Variants in MYO9A observed in about 807,000 individuals in gnomAD.
MYO9A encodes the protein unconventional myosin-IXa.
In MYO9A, 103 loss-of-function variants were observed where a neutral mutation model predicts 293.3. The ratio of observed to expected loss-of-function variants is 0.35; its 90% CI spans 0.30 to 0.41. MYO9A has a LOEUF of 0.41. Ranked by LOEUF, MYO9A falls within the 10% of genes least tolerant of loss-of-function variation. The pLI, the probability that MYO9A is intolerant of heterozygous loss-of-function variation, is 1.00. For missense variants in MYO9A, 2,685 were observed against 3,033.0 expected (o/e 0.89, Z 2.69); for synonymous variants, 1,001 against 1,035.7 (o/e 0.97, Z 0.64).
At chr15:72,032,436 T>A (rs2077903102) in intron 3 of MYO9A, 58 bp downstream of exon 3, 1 of 1,132,022 alleles carries the variant, frequency 8.8e-7, no homozygotes, top group Admixed American at 2.5e-5. Flanking sequence ...TATAAAAGGG[T>A]AAAGACAAAA....
chr15:71,832,287 T>A (rs1247080545), intron 39 of MYO9A, among the ~76,000 whole-genome samples: 3 of 151,980 alleles, frequency 2.0e-5, no homozygotes, highest in Non-Finnish European at 4.4e-5. Flanking sequence ...TCCTATAGAA[T>A]AAATATTGAA....
intron 33 of MYO9A, 84 bp downstream of exon 33, chr15:71,862,398 GTAGTGTAAATAACTCCTT>G (rs999219127): frequency 6.0e-6 from 5 of 829,376 alleles, no homozygotes; most frequent in African/African-American, 5.2e-5. Context: ...AAAAATTTAG[GTAGTGTAAATAACTCCTT>G]TATGTTAAAG....
intron 8 of MYO9A, among the ~76,000 whole-genome samples, chr15:72,007,393 G>GA (rs894979341): frequency 2.7e-5 from 4 of 150,340 alleles, no homozygotes; most frequent in East Asian, 2.0e-4. Flanking sequence ...ACCCATAAGG[G>GA]AAAAAAAAAA....
chr15:71,894,293 G>A (rs1227281335), intron 25 of MYO9A, among the ~76,000 whole-genome samples: 1 of 152,108 alleles, frequency 6.6e-6, no homozygotes, highest in Non-Finnish European at 1.5e-5. Flanking sequence ...ACTTGACGTT[G>A]AGGCTGGGTG....
At chr15:71,911,641 A>G (rs917216956) in intron 19 of MYO9A, among the ~76,000 whole-genome samples, 12 of 152,222 alleles carry the variant, frequency 7.9e-5, no homozygotes, top group Non-Finnish European at 1.0e-4. Flanking sequence ...AACTTCTTTT[A>G]AAAAACTACT....
chr15:71,956,330 A>AAAAAAAAAATATATATATATATATAT (rs10642655), intron 14 of MYO9A, among the ~76,000 whole-genome samples: 5 of 75,576 alleles, frequency 6.6e-5, no homozygotes, highest in African/African-American at 2.4e-4. Flanking sequence ...AAAAAAAAAA[A>AAAAAAAAAATATATATATATATATAT]ATATATATAT....
intron 11 of MYO9A, among the ~76,000 whole-genome samples, chr15:71,979,693 G>C (rs1338113620): frequency 6.6e-6 from 1 of 152,210 alleles, no homozygotes; most frequent in Non-Finnish European, 1.5e-5. Context: ...TAACAGCTGA[G>C]TTGAGACATA....
chr15:72,101,685 A>G (rs1195886018), intron 1 of MYO9A, among the ~76,000 whole-genome samples: 22 of 54,470 alleles, frequency 4.0e-4, no homozygotes, highest in Non-Finnish European at 7.7e-4. Context: ...TCTGGGAGGG[A>G]GGTGGGGGGG....
intron 18 of MYO9A, among the ~76,000 whole-genome samples, chr15:71,925,859 C>T (rs1158310377): frequency 6.6e-6 from 1 of 152,142 alleles, no homozygotes; most frequent in Non-Finnish European, 1.5e-5. Flanking sequence ...GTGAAATTAC[C>T]TCTAACAGTT....
At chr15:72,062,033 GA>G in intron 1 of MYO9A, among the ~76,000 whole-genome samples, 1 of 152,278 alleles carries the variant, frequency 6.6e-6, no homozygotes, top group East Asian at 1.9e-4. Flanking sequence ...TAAGGGAAGA[GA>G]ACAAGAGATT....
In MYO9A at chr15:72,117,872, G is replaced by A. The variant is rs1596632099; in HGVS notation, c.-264C>T. 5.0e-6 allele frequency: 2 copies of A among 398,304 alleles called. No individual in the cohort carries two copies. The highest frequency in any genetic ancestry group is 3.6e-5 in the East Asian group (1 of 28,048). The allele number at this position is 398,304 out of a possible 1,614,324, so 24.7% of individuals were successfully genotyped here. A position where few individuals can be genotyped will look rare whatever the true frequency, so the allele number is the denominator to read the frequency against. Reference sequence around the variant, plus strand: ...CCGCGGCGCATCCCCCGCCCTGTCAGAGAGACTCCGCCCGGCCTGAGCAGG... The same window carrying A: ...CCGCGGCGCATCCCCCGCCCTGTCAAAGAGACTCCGCCCGGCCTGAGCAGG... On this transcript the variant is annotated 5_prime_UTR_variant, in exon 1 of 42. Coordinates refer to ENST00000356056, the MANE Select transcript of MYO9A (RefSeq NM_006901.4).
chr15:71,894,256 T>C (rs1390336497), intron 25 of MYO9A, among the ~76,000 whole-genome samples: 1 of 152,152 alleles, frequency 6.6e-6, no homozygotes, highest in African/African-American at 2.4e-5. Flanking sequence ...TCTTTGTAGT[T>C]TTCATCCACT....
rs1013170249 is a variant in MYO9A, at chr15:71,991,794, C to T, written c.1588-557G>A. On this transcript the variant is annotated intron_variant, in intron 10 of 41. Coordinates refer to ENST00000356056, the MANE Select transcript of MYO9A (RefSeq NM_006901.4). ...TTTGAGACGGAGTCTCGATCTGTCG[C>T]CCAGGCTGGAGTACAGTGACGTGAT... is the stretch of plus-strand genomic sequence containing the variant. Among the ~76,000 whole-genome samples the T allele has an allele frequency of 2.0e-5, 3 of 152,346 alleles. No homozygotes were observed. In the South Asian group the frequency reaches 6.2e-4, roughly 32 times the overall value.
At chr15:71,877,953 A>T in intron 31 of MYO9A, 87 bp downstream of exon 31, 1 of 1,237,404 alleles carries the variant, frequency 8.1e-7, no homozygotes, top group East Asian at 2.6e-5. Context: ...AATTTTTCTC[A>T]AATTTCTCAA....
intron 40 of MYO9A, among the ~76,000 whole-genome samples, chr15:71,828,496 G>A (rs563990708): frequency 1.3e-5 from 2 of 151,974 alleles, no homozygotes; most frequent in South Asian, 2.1e-4. Context: ...GGCTATAGAC[G>A]ATACCCTCTA....
chr15:71,895,655 G>A (rs1020372672), intron 25 of MYO9A, among the ~76,000 whole-genome samples: 4 of 151,786 alleles, frequency 2.6e-5, no homozygotes, highest in Non-Finnish European at 4.4e-5. Context: ...TTATACAACA[G>A]GATGAGATTT....
At chr15:71,870,829 T>G (rs1333997415) in intron 32 of MYO9A, among the ~76,000 whole-genome samples, 1 of 152,194 alleles carries the variant, frequency 6.6e-6, no homozygotes, top group East Asian at 1.9e-4. Context: ...TTTTGGAACT[T>G]TGTGGAATTT....
chr15:72,026,069 C>G (rs990661492), intron 4 of MYO9A, among the ~76,000 whole-genome samples: 3 of 151,560 alleles, frequency 2.0e-5, no homozygotes, highest in African/African-American at 7.3e-5. Flanking sequence ...GTCAGGAGAT[C>G]GAGACCATCC....
Position 72,007,964 on chromosome 15 carries a change from A to T in MYO9A, c.1254-12T>A. 1 of 1,606,282 alleles carries T rather than the reference A, an allele frequency of 6.2e-7. No homozygotes were observed. Among genetic ancestry groups the T allele is most frequent in the Non-Finnish European group, 8.5e-7 (1 of 1,177,844 alleles). On this transcript the variant is annotated splice_polypyrimidine_tract_variant and intron_variant, in intron 7 of 41. Coordinates refer to ENST00000356056, the MANE Select transcript of MYO9A (RefSeq NM_006901.4). The stretch of plus-strand genomic sequence containing the variant: ...GAAGAGAGAAAATCCTGGGAAAATA[A>T]AACACAAATTATAGCTTAGTTGTGT...
Sources: gnomAD v4.1 joint callset for allele counts (sites outside exome capture counted in the v4.1 genomes callset) on GRCh38, gnomAD v4.1.1 for gene constraint, MANE v1.5 for transcripts, NCBI Gene and HGNC (gene_info 2026-07-23, HGNC 2026-07-21) for gene names.